The following LGR6 variants were observed in gnomAD, a reference collection of about 807,000 sequenced individuals.
The protein encoded by LGR6 is leucine rich repeat containing G protein-coupled receptor 6, also known as leucine-rich repeat-containing G protein-coupled receptor 6.
In LGR6, 45 loss-of-function variants were observed where a neutral mutation model predicts 69.4. That is an observed-to-expected ratio of 0.65 (90% confidence interval 0.51 to 0.83). The LOEUF (loss-of-function observed/expected upper bound fraction) is 0.83, where lower values mean the gene tolerates loss of function less well. LGR6 is among the 40% of genes least tolerant of loss of function. The pLI, the probability that LGR6 is intolerant of heterozygous loss-of-function variation, is 0.00. For missense variants in LGR6, 1,108 were observed against 1,246.7 expected, an observed-to-expected ratio of 0.89 and a Z score of 1.68; for synonymous variants, 538 against 555.0, an observed-to-expected ratio of 0.97 and a Z score of 0.43.
intron 1 of LGR6, among the ~76,000 whole-genome samples, chr1:202,217,588 A>G (rs1285907680): frequency 1.3e-5 from 2 of 152,090 alleles, no homozygotes; most frequent in African/African-American, 4.8e-5. Flanking sequence ...GGTGCCCAGC[A>G]TCTCCCTGGC....
rs527668132 is a variant in LGR6, at chr1:202,318,744, T to C, written c.2441T>C (p.Val814Ala). ...TPEAVKSVLLVVLPLPACLNP... is the reference protein window; with the variant it reads ...TPEAVKSVLLAVLPLPACLNP... ...GAGGCCGTCAAGTCTGTCCTGCTGGTGGTGCTGCCCCTGCCTGCCTGCCTC... is the reference window on the plus strand; with the variant it reads ...GAGGCCGTCAAGTCTGTCCTGCTGGCGGTGCTGCCCCTGCCTGCCTGCCTC... The change falls in exon 18 of 18, where the codon GTG becomes GCG. Residue 814 changes from valine to alanine, a missense_variant. Val to Ala is a moderately conservative substitution (Grantham distance 64, BLOSUM62 0). Coordinates refer to ENST00000367278, the MANE Select transcript of LGR6 (RefSeq NM_001017403.2). 4 of 1,613,592 alleles carry C rather than the reference T, an allele frequency of 2.5e-6. No individual in the cohort carries two copies. The East Asian group carries it at 8.9e-5, about 36-fold the overall frequency.
chr1:202,308,380 AGTT>A (rs1653433668), intron 14 of LGR6, among the ~76,000 whole-genome samples: 1 of 152,150 alleles, frequency 6.6e-6, no homozygotes. Flanking sequence ...TTACACAGCG[AGTT>A]GGTGACAGTG....
intron 16 of LGR6, among the ~76,000 whole-genome samples, chr1:202,313,880 A>T (rs1378474830): frequency 6.6e-6 from 1 of 152,196 alleles, no homozygotes; most frequent in Admixed American, 6.5e-5. Flanking sequence ...TAGTAAATAA[A>T]TCTGTTAGTT....
At chr1:202,222,540 C>T (rs538927848) in intron 1 of LGR6, among the ~76,000 whole-genome samples, 1 of 152,236 alleles carries the variant, frequency 6.6e-6, no homozygotes, top group South Asian at 2.1e-4. Context: ...GCGTTCCTGT[C>T]GAGACACATC....
chr1:202,217,707 A>G (rs1022182816), intron 1 of LGR6, among the ~76,000 whole-genome samples: 2 of 151,032 alleles, frequency 1.3e-5, no homozygotes, highest in African/African-American at 4.9e-5. Flanking sequence ...CTCTTTTACT[A>G]TCTTCCCCCA....
intron 12 of LGR6, among the ~76,000 whole-genome samples, chr1:202,306,203 T>G (rs1305044244): frequency 6.6e-6 from 1 of 152,174 alleles, no homozygotes; most frequent in African/African-American, 2.4e-5. Context: ...CACACAGACA[T>G]ACATAATCAT....
chr1:202,218,929 C>T (rs1468601314), intron 1 of LGR6, among the ~76,000 whole-genome samples: 1 of 152,212 alleles, frequency 6.6e-6, no homozygotes, highest in Non-Finnish European at 1.5e-5. Flanking sequence ...ACATTGTCAA[C>T]TCCTTGATGG....
intron 1 of LGR6, among the ~76,000 whole-genome samples, chr1:202,200,799 C>A (rs1225716943): frequency 6.6e-6 from 1 of 152,134 alleles, no homozygotes; most frequent in African/African-American, 2.4e-5. Context: ...CAAACTTGGG[C>A]AGTGAGCAGA....
chr1:202,238,482 G>GT (rs1661816914), intron 4 of LGR6, among the ~76,000 whole-genome samples: 1 of 147,134 alleles, frequency 6.8e-6, no homozygotes, highest in Non-Finnish European at 1.5e-5. Context: ...GGAGTGCAGT[G>GT]GTGCGATCTC....
intron 4 of LGR6, among the ~76,000 whole-genome samples, chr1:202,253,795 ATTTTTTTTT>A (rs71141469): frequency 1.5e-4 from 7 of 47,960 alleles, no homozygotes; most frequent in East Asian, 1.2e-3. Context: ...CGCCTGGCTA[ATTTTTTTTT>A]TTTTTTTTTT....
intron 1 of LGR6, among the ~76,000 whole-genome samples, chr1:202,220,875 ACT>A (rs1660111880): frequency 1.3e-5 from 2 of 152,072 alleles, no homozygotes; most frequent in African/African-American, 4.8e-5. Flanking sequence ...AAACACATAC[ACT>A]CACACACATT....
chr1:202,203,785 G>A (rs996056099), intron 1 of LGR6: 6 of 1,613,414 alleles, frequency 3.7e-6, no homozygotes, highest in Middle Eastern at 1.6e-4. Context: ...CCTGAAAGGC[G>A]GTTGTGGTGC....
At position 202,194,049 on chromosome 1, in the gene LGR6, G is replaced by T. The variant is rs1658537826; in HGVS notation, c.60G>T (p.Arg20=). 1.3e-5 allele frequency: 18 copies of T among 1,389,856 alleles called. No homozygotes were observed. The East Asian group carries it at 5.5e-4, about 42-fold the overall frequency. 86.1% of individuals were successfully genotyped at this position (1,389,856 alleles called of 1,614,324 possible). The change falls in exon 1 of 18, where the codon CGG becomes CGT. Residue 20 remains arginine (R), a synonymous_variant. Coordinates refer to ENST00000367278, the MANE Select transcript of LGR6 (RefSeq NM_001017403.2). ...LWLCAALCAS[R]RAGGAPQPGP... is the part of the protein sequence containing the mutation. ...TTTGCGCCGCGCTGTGCGCTTCCCG[G>T]AGGGCCGGCGGCGCCCCCCAGCCCG...
At chr1:202,251,050 A>G (rs749685610) in intron 4 of LGR6, among the ~76,000 whole-genome samples, 5 of 152,202 alleles carry the variant, frequency 3.3e-5, no homozygotes, top group Non-Finnish European at 5.9e-5. Flanking sequence ...GAGGTGGCAT[A>G]GCAGACAGAG....
intron 4 of LGR6, among the ~76,000 whole-genome samples, chr1:202,248,266 T>C (rs184800521): frequency 7.2e-5 from 11 of 152,228 alleles, no homozygotes; most frequent in African/African-American, 2.6e-4. Flanking sequence ...AACCAAGCAG[T>C]TGAAAGAGGA....
intron 1 of LGR6, among the ~76,000 whole-genome samples, chr1:202,199,082 C>T (rs1003965992): frequency 2.0e-5 from 3 of 152,286 alleles, no homozygotes; most frequent in Non-Finnish European, 4.4e-5. Context: ...CCAGAGAAGC[C>T]ATGTTTTGGA....
At position 202,309,101 on chromosome 1, in the gene LGR6, G is replaced by A. The variant is rs1348471199; in HGVS notation, c.1331G>A (p.Gly444Asp). The A allele has an allele frequency of 3.7e-6, 6 of 1,614,166 alleles. No homozygotes were observed. The highest frequency in any genetic ancestry group is 5.1e-6 in the Non-Finnish European group (6 of 1,179,996). Residue 444 changes from glycine (G) to aspartate (D), a missense_variant, in exon 15 of 18, where the codon GGC becomes GAC. Physicochemically the swap from Gly to Asp is moderately conservative, Grantham distance 94. Transcript: ENST00000367278. ...ACACTGCCCCTGGCTGGACTTGGGGGCTTGATGCATCTGAAGCTCAAAGGG... is the reference window on the plus strand; with the variant it reads ...ACACTGCCCCTGGCTGGACTTGGGGACTTGATGCATCTGAAGCTCAAAGGG... ...LTTLPLAGLG[G>D]LMHLKLKGNL...
intron 2 of LGR6, among the ~76,000 whole-genome samples, chr1:202,227,345 T>C (rs553693359): frequency 2.5e-4 from 38 of 152,336 alleles, no homozygotes; most frequent in African/African-American, 8.9e-4. Context: ...GTGTATTTCG[T>C]TGCATTTGCT....
At chr1:202,287,364 A>G (rs1399379300) in intron 6 of LGR6, among the ~76,000 whole-genome samples, 2 of 152,074 alleles carry the variant, frequency 1.3e-5, no homozygotes, top group Admixed American at 1.3e-4. Flanking sequence ...TGTTACCAGC[A>G]TTTCTGACCT....
Sources: gnomAD v4.1 joint callset for allele counts (sites outside exome capture counted in the v4.1 genomes callset) on GRCh38, gnomAD v4.1.1 for gene constraint, MANE v1.5 for transcripts, NCBI Gene and HGNC (gene_info 2026-07-23, HGNC 2026-07-21) for gene names.